PCDH15: variants seen among roughly 807,000 people sequenced by gnomAD.
PCDH15 encodes protocadherin-15.
Under a neutral mutation model 178.5 loss-of-function variants are expected in PCDH15, and 129 were observed. The observed-to-expected ratio is 0.72, with a 90% CI of 0.63 to 0.84. PCDH15 has a LOEUF of 0.84. Among genes scored for constraint, PCDH15 ranks in the 40% least tolerant of loss-of-function variants. The probability of loss-of-function intolerance (pLI) is 0.00; values close to 1 mark genes in which losing one functional copy is unlikely to be tolerated. For synonymous variants in PCDH15, 800 were observed against 732.0 expected, an observed-to-expected ratio of 1.09 and a Z score of -1.50; for missense variants, 2,230 against 2,099.9, an observed-to-expected ratio of 1.06 and a Z score of -1.21.
At chr10:54,220,999 A>G (rs2052745082) in intron 9 of PCDH15, among the ~76,000 whole-genome samples, 1 of 151,892 alleles carries the variant, frequency 6.6e-6, no homozygotes, top group South Asian at 2.1e-4. Flanking sequence ...TTCATTATAC[A>G]CAATGTTTAC....
chr10:55,149,369 T>C (rs1262644902), intron 2 of PCDH15, among the ~76,000 whole-genome samples: 1 of 151,888 alleles, frequency 6.6e-6, no homozygotes, highest in Non-Finnish European at 1.5e-5. Context: ...ATTATAAATA[T>C]TACCAAAAAC....
Position 54,292,310 on chromosome 10 carries a change from T to C in PCDH15, c.876+24961A>G, listed in dbSNP as rs918336078. The stretch of plus-strand genomic sequence containing the variant: ...AAACTCTCAATAAATCAGGTATTGA[T>C]GGGATGTATCTCAAAATAATAAGAG... On this transcript the variant is annotated intron_variant, in intron 8 of 37. Transcript: ENST00000644397. Among the ~76,000 whole-genome samples, 5 of 152,270 alleles carry C rather than the reference T, an allele frequency of 3.3e-5. No homozygotes were observed. The East Asian group carries it at 9.6e-4, about 29-fold the overall frequency.
chr10:54,266,164 T>C (rs955396306), intron 8 of PCDH15, among the ~76,000 whole-genome samples: 104 of 123,326 alleles, frequency 8.4e-4, no homozygotes, highest in African/African-American at 3.0e-3. Context: ...CACACACACA[T>C]ACACACACAC....
chr10:54,345,801 C>CAAAAAAAAAA (rs540507383), intron 6 of PCDH15, among the ~76,000 whole-genome samples: 2 of 52,462 alleles, frequency 3.8e-5, no homozygotes, highest in Non-Finnish European at 6.4e-5. Flanking sequence ...GACTCCGTCT[C>CAAAAAAAAAA]AAAAAAAAAA....
At chr10:55,368,648 T>C (rs1406730969) in intron 2 of PCDH15, among the ~76,000 whole-genome samples, 1 of 152,016 alleles carries the variant, frequency 6.6e-6, no homozygotes, top group Non-Finnish European at 1.5e-5. Context: ...TCTATAACAC[T>C]GGTAGTTCTA....
At chr10:54,658,779 C>A (rs975771514) in intron 2 of PCDH15, among the ~76,000 whole-genome samples, 1 of 152,060 alleles carries the variant, frequency 6.6e-6, no homozygotes, top group East Asian at 1.9e-4. Flanking sequence ...AGGAATAAAA[C>A]CTCACATGTC....
chr10:53,831,705 AGAG>A (rs200678069), intron 29 of PCDH15, among the ~76,000 whole-genome samples, 172 bp from the exon 30 acceptor site: 4 of 145,318 alleles, frequency 2.8e-5, no homozygotes, highest in African/African-American at 1.0e-4. Context: ...GCAATAAAGA[AGAG>A]GAGTAATTAC....
chr10:54,007,380 C>T (rs2092422251), intron 20 of PCDH15, among the ~76,000 whole-genome samples: 1 of 151,550 alleles, frequency 6.6e-6, no homozygotes, highest in African/African-American at 2.4e-5. Flanking sequence ...GTAAAATACA[C>T]AAGAAAATAT....
At chr10:55,426,096 A>G (rs539859252) in intron 2 of PCDH15, among the ~76,000 whole-genome samples, 1 of 152,328 alleles carries the variant, frequency 6.6e-6, no homozygotes, top group African/African-American at 2.4e-5. Context: ...TAAAGTAGGT[A>G]ATCGTGACAT....
chr10:55,289,835 C>A (rs1398247681), intron 1 of PCDH15, among the ~76,000 whole-genome samples: 1 of 152,036 alleles, frequency 6.6e-6, no homozygotes, highest in Admixed American at 6.6e-5. Flanking sequence ...GGATTAATAT[C>A]ATCATCTAGG....
chr10:53,814,954 A>C (rs918140567), intron 35 of PCDH15, among the ~76,000 whole-genome samples: 1 of 145,206 alleles, frequency 6.9e-6, no homozygotes, highest in African/African-American at 2.7e-5. Context: ...TGGAACAAGA[A>C]TCTGTCTCAA....
intron 2 of PCDH15, among the ~76,000 whole-genome samples, chr10:55,128,573 G>A (rs920798932): frequency 1.3e-5 from 2 of 151,828 alleles, no homozygotes; most frequent in Non-Finnish European, 2.9e-5. Context: ...TCTATCAATT[G>A]TTACCGCACC....
At chr10:53,894,275 A>C (rs2081795675) in intron 26 of PCDH15, among the ~76,000 whole-genome samples, 1 of 152,188 alleles carries the variant, frequency 6.6e-6, no homozygotes, top group African/African-American at 2.4e-5. Flanking sequence ...TCAAGAAGGC[A>C]ATGCACCCTC....
intron 2 of PCDH15, among the ~76,000 whole-genome samples, chr10:54,965,373 T>G (rs1215225840): frequency 6.6e-6 from 1 of 152,054 alleles, no homozygotes; most frequent in African/African-American, 2.4e-5. Context: ...ATAAGTCTCA[T>G]GAGATCTGAT....
At chr10:54,433,587 T>G (rs532187397) in intron 3 of PCDH15, among the ~76,000 whole-genome samples, 74 of 152,144 alleles carry the variant, frequency 4.9e-4, no homozygotes, top group Non-Finnish European at 8.4e-4. Context: ...GGTTAATGGA[T>G]ATAAAAATTA....
At chr10:54,085,157 T>A (rs2094496293) in intron 16 of PCDH15, among the ~76,000 whole-genome samples, 1 of 151,996 alleles carries the variant, frequency 6.6e-6, no homozygotes, top group Non-Finnish European at 1.5e-5. Flanking sequence ...TAAATATCTT[T>A]CTTATATATT....
intron 1 of PCDH15, among the ~76,000 whole-genome samples, chr10:55,276,093 T>A (rs1238309902): frequency 2.0e-5 from 3 of 151,172 alleles, no homozygotes; most frequent in Non-Finnish European, 4.4e-5. Flanking sequence ...TTTTTGCATT[T>A]AGTAACTTAA....
At chr10:54,444,915 A>G (rs1460002434) in intron 3 of PCDH15, among the ~76,000 whole-genome samples, 1 of 151,564 alleles carries the variant, frequency 6.6e-6, no homozygotes, top group Non-Finnish European at 1.5e-5. Context: ...ACTTTCTTAT[A>G]TTGCATTACA....
At chr10:54,742,850 A>G (rs377193918) in intron 1 of PCDH15, among the ~76,000 whole-genome samples, 24 of 152,172 alleles carry the variant, frequency 1.6e-4, no homozygotes, top group East Asian at 9.7e-4. Context: ...GGAAACCACT[A>G]TGGAAATTTA....
Sources: gnomAD v4.1 joint callset for allele counts (sites outside exome capture counted in the v4.1 genomes callset) on GRCh38, gnomAD v4.1.1 for gene constraint, MANE v1.5 for transcripts, NCBI Gene and HGNC (gene_info 2026-07-23, HGNC 2026-07-21) for gene names.